SYTL1: variants seen among roughly 807,000 people sequenced by gnomAD.
SYTL1 encodes the protein synaptotagmin-like protein 1.
In SYTL1, 53 loss-of-function variants were observed where a neutral mutation model predicts 74.6. That is an observed-to-expected ratio of 0.71 (90% CI 0.57 to 0.89). The LOEUF is 0.89. Ranked by LOEUF, SYTL1 falls within the 40% of genes least tolerant of loss-of-function variation. The probability of loss-of-function intolerance (pLI) is 0.00; values close to 1 mark genes in which losing one functional copy is unlikely to be tolerated. For synonymous variants in SYTL1, 329 were observed against 324.9 expected (o/e 1.01, Z -0.14); for missense variants, 728 against 768.7 (o/e 0.95, Z 0.63).
rs1431985070 is a variant in SYTL1 at position 27,351,749 on chromosome 1, C to T, written c.1343+194C>T. 20 of 509,556 alleles carry T rather than the reference C, an allele frequency of 3.9e-5. No homozygotes were observed. In the South Asian group the frequency reaches 6.0e-4, roughly 15 times the overall value. The allele number at this position is 509,556 out of a possible 1,614,324, so 31.6% of individuals were successfully genotyped here. On this transcript the variant is annotated intron_variant, in intron 13 of 14. Coordinates refer to ENST00000616558, the MANE Select transcript of SYTL1 (RefSeq NM_001193308.2). The surrounding 1 kb of genome is among the most constrained non-coding windows in gnomAD (Gnocchi z 5.0). ...ACACCTTTGAGGAGCTGCATTTCAGCGTGACTGGCGCCTATAGGACTTGTT... is the reference window on the plus strand; with the variant it reads ...ACACCTTTGAGGAGCTGCATTTCAGTGTGACTGGCGCCTATAGGACTTGTT...
Position 27,352,951 on chromosome 1 carries a change from A to G in SYTL1, c.1344-332A>G, listed in dbSNP as rs536981473. On this transcript the variant is annotated intron_variant, in intron 13 of 14. Coordinates refer to ENST00000616558, the MANE Select transcript of SYTL1 (RefSeq NM_001193308.2). ...CAGGTGCATGCCACCATGCCCAGCT[A>G]ATTTTTGTATTTTTAGTAGAGATGG... 577 of 288,616 alleles carry G rather than the reference A, an allele frequency of 2.0e-3. 2 individuals carry two copies. Among genetic ancestry groups the G allele is most frequent in the Non-Finnish European group, 3.3e-3 (477 of 145,892 alleles). The allele number at this position is 288,616 out of a possible 1,614,324, so 17.9% of individuals were successfully genotyped here. A position where few individuals can be genotyped will look rare whatever the true frequency, so the allele number is the denominator to read the frequency against.
In SYTL1 at chr1:27,350,252, C is replaced by A. The variant is rs761567665; in HGVS notation, c.908+120C>A. 2 of 1,478,906 alleles carry A rather than the reference C, an allele frequency of 1.4e-6. No homozygotes were observed. Among genetic ancestry groups the A allele is most frequent in the African/African-American group, 1.4e-5 (1 of 72,024 alleles). 91.6% of individuals were successfully genotyped at this position (1,478,906 alleles called of 1,614,324 possible). A position where few individuals can be genotyped will look rare whatever the true frequency, so the allele number is the denominator to read the frequency against. On this transcript the variant is annotated intron_variant, in intron 9 of 14. Coordinates refer to ENST00000616558, the MANE Select transcript of SYTL1 (RefSeq NM_001193308.2). The surrounding 1 kb of genome is among the most constrained non-coding windows in gnomAD (Gnocchi z 6.3). ...AACAACAGCGTTATTGGGAGGCGTG[C>A]GATTAAGCGAGACAATCCCTGTAAA... is the stretch of plus-strand genomic sequence containing the variant.
chr1:27,347,833 G>A lies in SYTL1; in HGVS notation c.366G>A (p.Arg122=), dbSNP rs1246868529. The change falls in exon 4 of 15, where the codon AGG becomes AGA. Residue 122 remains arginine (R), a synonymous_variant. Coordinates refer to ENST00000616558, the MANE Select transcript of SYTL1 (RefSeq NM_001193308.2). This position sits in a 1 kb window ranked among gnomAD's most constrained non-coding sequence, Gnocchi z 4.9. The part of the protein sequence containing the change: ...TRGDQAPGHD[R]EAEAAVKEKE... ...GAGACCAGGCTCCAGGCCACGACAG[G>A]GAGGCTGAGGCTGCTGTGAAAGAGA... is the stretch of plus-strand genomic sequence containing the variant. 13 of 1,613,852 alleles carry A rather than the reference G, an allele frequency of 8.1e-6. No individual in the cohort carries two copies. The highest frequency in any genetic ancestry group is 1.0e-5 in the Non-Finnish European group (12 of 1,179,798).
chr1:27,353,560 G>A, intron 14 of SYTL1, 72 bp downstream of exon 14: 1 of 1,540,158 alleles, frequency 6.5e-7, no homozygotes, highest in Non-Finnish European at 8.8e-7. Context: ...GTGTGGCCCT[G>A]GATACCTCTC....
At chr1:27,346,362 T>C (rs113955250) in intron 2 of SYTL1, among the ~76,000 whole-genome samples, 3 of 152,296 alleles carry the variant, frequency 2.0e-5, no homozygotes, top group African/African-American at 7.2e-5. Context: ...CAAGCAATGT[T>C]TGGGGACAGA....
chr1:27,351,144 C>T lies in SYTL1; in HGVS notation c.1165-114C>T. On this transcript the variant is annotated intron_variant, in intron 11 of 14. Coordinates refer to ENST00000616558, the MANE Select transcript of SYTL1 (RefSeq NM_001193308.2). The surrounding 1 kb of genome is among the most constrained non-coding windows in gnomAD (Gnocchi z 5.0). ...AGGGCGCTAGGACCCCTAGGTTCTG[C>T]CCCTGCAGGCCCCGCCGTCTCTTCT... The T allele has an allele frequency of 7.3e-7, 1 of 1,365,628 alleles. No homozygotes were observed. The highest frequency in any genetic ancestry group is 1.0e-6 in the Non-Finnish European group (1 of 1,004,068). 84.6% of individuals were successfully genotyped at this position (1,365,628 alleles called of 1,614,324 possible). A position where few individuals can be genotyped will look rare whatever the true frequency, so the allele number is the denominator to read the frequency against.
At position 27,350,307 on chromosome 1, in the gene SYTL1, G is replaced by A; in HGVS notation, c.909-82G>A. On this transcript the variant is annotated intron_variant, in intron 9 of 14. Transcript: ENST00000616558. This position sits in a 1 kb window ranked among gnomAD's most constrained non-coding sequence, Gnocchi z 6.3. ...TTAGCACGAGGCCTGGCACGTGTTC[G>A]GGATGGTGGCTGGGGGAGCCCACAG... is the stretch of plus-strand genomic sequence containing the variant. 6.6e-7 allele frequency: 1 copy of A among 1,508,378 alleles called. No individual in the cohort carries two copies. Among genetic ancestry groups the A allele is most frequent in the Non-Finnish European group, 9.2e-7 (1 of 1,083,942 alleles). 93.4% of individuals were successfully genotyped at this position (1,508,378 alleles called of 1,614,324 possible).
chr1:27,353,249 G>A, intron 13 of SYTL1, 34 bp from the exon 14 acceptor site: 3 of 1,556,560 alleles, frequency 1.9e-6, no homozygotes, highest in Non-Finnish European at 2.6e-6. Flanking sequence ...GAGTGTGAGG[G>A]GGGTCACCTG....
chr1:27,349,266 G>A, intron 6 of SYTL1, 114 bp downstream of exon 6: 5 of 1,476,322 alleles, frequency 3.4e-6, no homozygotes, highest in South Asian at 1.3e-5. Flanking sequence ...ACCCCGCGTC[G>A]GAGGTGGGGA....
At chr1:27,352,260 G>A (rs1355401682) in intron 13 of SYTL1, 2 of 151,724 alleles carry the variant, frequency 1.3e-5, no homozygotes, top group African/African-American at 2.4e-5. Flanking sequence ...AGAATCACTC[G>A]AACCCAGAAG....
chr1:27,353,836 T>C lies in SYTL1; in HGVS notation c.1673T>C (p.Leu558Pro). 1 of 1,613,754 alleles carries C rather than the reference T, an allele frequency of 6.2e-7. No homozygotes were observed. The change falls in exon 15 of 15, where the codon CTG (leucine) becomes CCG (proline). Residue 558 changes from leucine (L) to proline (P), a missense_variant. Physicochemically the swap from Leu to Pro is moderately conservative, Grantham distance 98. Coordinates refer to ENST00000616558, the MANE Select transcript of SYTL1 (RefSeq NM_001193308.2). ...VDGLLPLRTN[L>P]APRT ...GGCCTTCTACCCCTCAGAACCAACC[T>C]GGCCCCCAGGACGTAGCCCCACCAA... is the stretch of plus-strand genomic sequence containing the variant.
chr1:27,349,139 C>T lies in SYTL1; in HGVS notation c.519C>T (p.Ser173=), dbSNP rs780231578. The change falls in exon 6 of 15, where the codon TCC becomes TCT. Residue 173 remains serine, a synonymous_variant. Transcript: ENST00000616558. ...AGGCTTCAGATCCTGAGGAGGCGTCCCAGGCCCAGGAAGGTGAGTGGGAGC... is the reference window on the plus strand; with the variant it reads ...AGGCTTCAGATCCTGAGGAGGCGTCTCAGGCCCAGGAAGGTGAGTGGGAGC... ...PLKASDPEEA[S]QAQEDPGQGD... 3.7e-6 allele frequency: 6 copies of T among 1,613,780 alleles called. No individual in the cohort carries two copies. Among genetic ancestry groups the T allele is most frequent in the Non-Finnish European group, 5.1e-6 (6 of 1,179,820 alleles).
Position 27,351,003 on chromosome 1 carries a change from T to A in SYTL1, c.1164+51T>A, listed in dbSNP as rs1424008584. ...GACCTGCGGCCCGGGTCTCCTGCAT[T>A]TACCCCACCAGGCTCTCCCGCAGCC... On this transcript the variant is annotated intron_variant, in intron 11 of 14. Transcript: ENST00000616558. This position sits in a 1 kb window ranked among gnomAD's most constrained non-coding sequence, Gnocchi z 5.0. The A allele has an allele frequency of 1.2e-6, 2 of 1,601,668 alleles. No individual in the cohort carries two copies. The highest frequency in any genetic ancestry group is 1.7e-6 in the Non-Finnish European group (2 of 1,173,320).
At position 27,353,465 on chromosome 1, in the gene SYTL1, G is replaced by A. The variant is rs747840939; in HGVS notation, c.1526G>A (p.Gly509Asp). The change falls in exon 14 of 15, where the codon GGC becomes GAC. Residue 509 changes from glycine to aspartate, a missense_variant. Transcript: ENST00000616558. ...HGALANRQLG[G>D]TRLSLGTGSS... ...GCCCTGGCCAACCGCCAGCTGGGGG[G>A]CACACGCCTCAGCCTGGGCACCGGT... 2 of 1,604,810 alleles carry A rather than the reference G, an allele frequency of 1.2e-6. No individual in the cohort carries two copies. Among genetic ancestry groups the A allele is most frequent in the Non-Finnish European group, 1.7e-6 (2 of 1,176,410 alleles).
Position 27,349,695 on chromosome 1 carries a change from C to T in SYTL1, c.677C>T (p.Pro226Leu), listed in dbSNP as rs779766613. 1 of 1,611,026 alleles carries T rather than the reference C, an allele frequency of 6.2e-7. No homozygotes were observed. Among genetic ancestry groups the T allele is most frequent in the Non-Finnish European group, 8.5e-7 (1 of 1,179,294 alleles). Reference protein sequence around the residue: ...SQILENGEEAPGPDPSLDRML... With the variant: ...SQILENGEEALGPDPSLDRML... ...ATCCTGGAGAATGGGGAGGAGGCCC[C>T]GGGGCCCGACCCCTCTCTCGACCGC... The change falls in exon 8 of 15, where the codon CCG (proline) becomes CTG (leucine). Residue 226 changes from proline (P) to leucine (L), a missense_variant. Pro to Leu is a moderately conservative substitution (Grantham distance 98). Coordinates refer to ENST00000616558, the MANE Select transcript of SYTL1 (RefSeq NM_001193308.2).
At position 27,348,100 on chromosome 1, in the gene SYTL1, G is replaced by A; in HGVS notation, c.459+88G>A. The A allele has an allele frequency of 7.8e-7, 1 of 1,278,054 alleles. No individual in the cohort carries two copies. 79.2% of individuals were successfully genotyped at this position (1,278,054 alleles called of 1,614,324 possible). ...GCAGGGGGGAAAGAGCCCCAGCCTG[G>A]GAATGGGGAGACCCTGGAAATGTTC... is the stretch of plus-strand genomic sequence containing the variant. On this transcript the variant is annotated intron_variant, in intron 5 of 14. Transcript: ENST00000616558. The surrounding 1 kb of genome is among the most constrained non-coding windows in gnomAD (Gnocchi z 4.1).
Position 27,351,214 on chromosome 1 carries a change from C to A in SYTL1, c.1165-44C>A. On this transcript the variant is annotated intron_variant, in intron 11 of 14. Transcript: ENST00000616558. This position sits in a 1 kb window ranked among gnomAD's most constrained non-coding sequence, Gnocchi z 5.0. Reference sequence around the variant, plus strand: ...CTGCAGACCCCACCCTCCTGAGGCCCCTTTCCATTAGCCCCTGCTCCACGA... The same window carrying A: ...CTGCAGACCCCACCCTCCTGAGGCCACTTTCCATTAGCCCCTGCTCCACGA... The A allele has an allele frequency of 6.5e-7, 1 of 1,545,932 alleles. No individual in the cohort carries two copies. Among genetic ancestry groups the A allele is most frequent in the Non-Finnish European group, 8.7e-7 (1 of 1,144,792 alleles).
intron 8 of SYTL1, 83 bp from the exon 9 acceptor site, chr1:27,349,889 C>T (rs1307875562): frequency 1.3e-6 from 2 of 1,539,398 alleles, no homozygotes. Context: ...CACCTATGAC[C>T]CGGGTCTGAA....
chr1:27,351,409 G>A lies in SYTL1; in HGVS notation c.1244-47G>A. ...GAGACTCCAGTCCCCGGGTTTGGGGGCGGTGGACTCCATCCGTGTGCGGGC... is the reference window on the plus strand; with the variant it reads ...GAGACTCCAGTCCCCGGGTTTGGGGACGGTGGACTCCATCCGTGTGCGGGC... On this transcript the variant is annotated intron_variant, in intron 12 of 14. Coordinates refer to ENST00000616558, the MANE Select transcript of SYTL1 (RefSeq NM_001193308.2). This position sits in a 1 kb window ranked among gnomAD's most constrained non-coding sequence, Gnocchi z 5.0. 6.6e-7 allele frequency: 1 copy of A among 1,504,648 alleles called. No homozygotes were observed. Among genetic ancestry groups the A allele is most frequent in the Non-Finnish European group, 8.9e-7 (1 of 1,120,894 alleles). The allele number at this position is 1,504,648 out of a possible 1,614,324, so 93.2% of individuals were successfully genotyped here. A position where few individuals can be genotyped will look rare whatever the true frequency, so the allele number is the denominator to read the frequency against.
Sources: gnomAD v4.1 joint callset for allele counts (sites outside exome capture counted in the v4.1 genomes callset) on GRCh38, gnomAD v4.1.1 for gene constraint, Gnocchi (gnomAD v3.1) non-coding constraint, MANE v1.5 for transcripts, NCBI Gene and HGNC (gene_info 2026-07-23, HGNC 2026-07-21) for gene names.